The following KIAA1328 variants were observed in gnomAD, a reference collection of about 807,000 sequenced individuals.
KIAA1328 encodes the protein KIAA1328.
KIAA1328 carries 52 observed loss-of-function variants against 68.1 expected under a neutral mutation model. The observed-to-expected ratio is 0.76, with a 90% CI of 0.61 to 0.96. The LOEUF (loss-of-function observed/expected upper bound fraction) is 0.96, where lower values mean the gene tolerates loss of function less well. Among genes scored for constraint, KIAA1328 ranks in the 40% least tolerant of loss-of-function variants. KIAA1328 has a pLI of 0.00. For missense variants in KIAA1328, 641 were observed against 677.6 expected (o/e 0.95, Z 0.60); for synonymous variants, 232 against 239.4 (o/e 0.97, Z 0.28).
At chr18:37,220,842 T>TTTTG (rs1478032436) in intron 9 of KIAA1328, among the ~76,000 whole-genome samples, 2 of 152,140 alleles carry the variant, frequency 1.3e-5, no homozygotes, top group Non-Finnish European at 2.9e-5. Flanking sequence ...TTGGTTGGTT[T>TTTTG]TTTGTTTGTT....
chr18:36,831,500 A>G (rs1439064421), intron 1 of KIAA1328, among the ~76,000 whole-genome samples: 1 of 152,194 alleles, frequency 6.6e-6, no homozygotes, highest in Non-Finnish European at 1.5e-5. Flanking sequence ...TACAGTTCCT[A>G]GTAATGTCAG....
At chr18:36,846,416 T>G (rs1177024512) in intron 4 of KIAA1328, among the ~76,000 whole-genome samples, 2 of 151,638 alleles carry the variant, frequency 1.3e-5, no homozygotes, top group Non-Finnish European at 3.0e-5. Flanking sequence ...GCATTTTATT[T>G]TTTTATCAAG....
intron 7 of KIAA1328, among the ~76,000 whole-genome samples, chr18:37,101,210 A>G (rs913979746): frequency 6.6e-6 from 1 of 152,236 alleles, no homozygotes; most frequent in Non-Finnish European, 1.5e-5. Context: ...CAGACGATCA[A>G]ACTACTCTGA....
At chr18:37,194,926 T>C (rs1439050487) in intron 9 of KIAA1328, among the ~76,000 whole-genome samples, 1 of 152,326 alleles carries the variant, frequency 6.6e-6, no homozygotes, top group East Asian at 1.9e-4. Flanking sequence ...CCCAAAGTGC[T>C]GGGATTATAG....
intron 7 of KIAA1328, among the ~76,000 whole-genome samples, chr18:37,081,668 T>A (rs2056953363): frequency 6.6e-6 from 1 of 152,228 alleles, no homozygotes; most frequent in Admixed American, 6.5e-5. Context: ...TGGAACCACT[T>A]CTCTACCCAT....
At chr18:36,971,806 A>C (rs749678536) in intron 6 of KIAA1328, among the ~76,000 whole-genome samples, 13 of 152,120 alleles carry the variant, frequency 8.5e-5, no homozygotes, top group Non-Finnish European at 1.5e-4. Context: ...AGCTAAATAT[A>C]AGAATATATG....
At chr18:36,949,649 A>G (rs1035670882) in intron 5 of KIAA1328, among the ~76,000 whole-genome samples, 14 of 122,820 alleles carry the variant, frequency 1.1e-4, no homozygotes, top group Non-Finnish European at 1.9e-4. Flanking sequence ...GAAATAAGGT[A>G]GGGACTTAGA....
chr18:37,066,960 G>T lies in KIAA1328; in HGVS notation c.647G>T (p.Arg216Ile). Residue 216 changes from arginine to isoleucine, a missense_variant, in exon 7 of 10, where the codon AGA becomes ATA. By Grantham distance (97) the Arg-to-Ile change is moderately conservative. Coordinates refer to ENST00000280020, the MANE Select transcript of KIAA1328 (RefSeq NM_020776.3). ...GATGGTTCCTACTTGAGCATAGCCA[G>T]ACCACAGACCTACTATCAAACCAAG... The part of the protein sequence containing the change: ...ELDGSYLSIA[R>I]PQTYYQTKQR... 2 of 1,612,678 alleles carry T rather than the reference G, an allele frequency of 1.2e-6. No homozygotes were observed. The highest frequency in any genetic ancestry group is 1.7e-6 in the Non-Finnish European group (2 of 1,179,240).
At chr18:36,948,382 C>A (rs183437209) in intron 5 of KIAA1328, among the ~76,000 whole-genome samples, 9 of 151,384 alleles carry the variant, frequency 5.9e-5, no homozygotes, top group Admixed American at 5.3e-4. Flanking sequence ...CTGCCTCAGC[C>A]TCCTGAGTAG....
intron 7 of KIAA1328, among the ~76,000 whole-genome samples, chr18:37,110,142 T>C (rs1212933967): frequency 6.6e-6 from 1 of 152,124 alleles, no homozygotes; most frequent in East Asian, 1.9e-4. Flanking sequence ...GCATATTTAG[T>C]TGTCATATCA....
intron 7 of KIAA1328, among the ~76,000 whole-genome samples, chr18:37,121,416 T>TCTATCTA (rs1556892132): frequency 8.7e-5 from 13 of 148,820 alleles, no homozygotes; most frequent in Middle Eastern, 3.4e-3. Context: ...ATTTTAGGAC[T>TCTATCTA]TCTATCTATC....
At chr18:37,021,011 C>T (rs1311531926) in intron 6 of KIAA1328, among the ~76,000 whole-genome samples, 1 of 152,082 alleles carries the variant, frequency 6.6e-6, no homozygotes, top group Non-Finnish European at 1.5e-5. Flanking sequence ...GAGTGAATTG[C>T]CTGAGAAGCT....
chr18:37,214,951 TTGTC>T (rs1298272082), intron 9 of KIAA1328, among the ~76,000 whole-genome samples: 2 of 152,118 alleles, frequency 1.3e-5, no homozygotes, highest in African/African-American at 2.4e-5. Flanking sequence ...GGCTCTCTGT[TTGTC>T]TGTTATTGCT....
chr18:36,885,605 G>A lies in KIAA1328; in HGVS notation c.381G>A (p.Gln127=), dbSNP rs748227804. The A allele has an allele frequency of 2.5e-6, 4 of 1,601,322 alleles. No individual in the cohort carries two copies. The highest frequency in any genetic ancestry group is 2.6e-6 in the Non-Finnish European group (3 of 1,174,152). The change falls in exon 5 of 10, where the codon CAG becomes CAA. Residue 127 remains glutamine, a synonymous_variant. Coordinates refer to ENST00000280020, the MANE Select transcript of KIAA1328 (RefSeq NM_020776.3). The part of the protein sequence containing the change: ...EVTEERLKAE[Q]ESFEKKIRQL... Reference sequence around the variant, plus strand: ...CAGAGGAAAGACTGAAAGCTGAGCAGGAGTCATTTGAGAAGAAGATCAGGC... The same window carrying A: ...CAGAGGAAAGACTGAAAGCTGAGCAAGAGTCATTTGAGAAGAAGATCAGGC...
chr18:37,185,718 T>TACAC (rs1474688681), intron 9 of KIAA1328, among the ~76,000 whole-genome samples: 1 of 135,202 alleles, frequency 7.4e-6, no homozygotes, highest in African/African-American at 3.6e-5. Flanking sequence ...CCTACTGATA[T>TACAC]ATACACACAC....
chr18:36,947,700 C>A (rs2050958455), intron 5 of KIAA1328, among the ~76,000 whole-genome samples: 1 of 152,156 alleles, frequency 6.6e-6, no homozygotes, highest in Non-Finnish European at 1.5e-5. Flanking sequence ...GGCAGCTAAT[C>A]TCTTCAGGAA....
At chr18:37,011,539 A>G (rs959962267) in intron 6 of KIAA1328, among the ~76,000 whole-genome samples, 1 of 152,194 alleles carries the variant, frequency 6.6e-6, no homozygotes, top group Admixed American at 6.5e-5. Context: ...TACCCAAATG[A>G]AATGAAAATG....
At chr18:37,186,103 T>TTC (rs2059793718) in intron 9 of KIAA1328, among the ~76,000 whole-genome samples, 2 of 145,112 alleles carry the variant, frequency 1.4e-5, no homozygotes, top group Admixed American at 1.4e-4. Context: ...TCTTTTTTTT[T>TTC]TTTTTTTTTT....
At chr18:37,189,102 G>C (rs1005766400) in intron 9 of KIAA1328, among the ~76,000 whole-genome samples, 3 of 152,180 alleles carry the variant, frequency 2.0e-5, no homozygotes, top group African/African-American at 7.2e-5. Flanking sequence ...TATGGGTGAG[G>C]ATAGTCCGAA....
Sources: allele counts gnomAD v4.1 joint callset (sites outside exome capture counted in the v4.1 genomes callset), GRCh38; gene constraint gnomAD v4.1.1; transcripts MANE v1.5; gene names NCBI Gene and HGNC (gene_info 2026-07-23, HGNC 2026-07-21).